CDRT4: variants seen among roughly 807,000 people sequenced by gnomAD.
CDRT4 encodes the protein CMT1A duplicated region transcript 4 protein.
For missense variants in CDRT4, 167 were observed against 193.1 expected, an observed-to-expected ratio of 0.87 and a Z score of 0.80; for synonymous variants, 64 against 69.6, an observed-to-expected ratio of 0.92 and a Z score of 0.40.
At chr17:15,440,023 T>G (rs992416498) in intron 3 of CDRT4, among the ~76,000 whole-genome samples, 185 bp downstream of exon 3, 5 of 151,784 alleles carry the variant, frequency 3.3e-5, no homozygotes, top group Non-Finnish European at 2.9e-5. Context: ...CACCAACATG[T>G]CACATGTATA....
intron 2 of CDRT4, among the ~76,000 whole-genome samples, chr17:15,449,026 T>G (rs1350430007): frequency 6.6e-6 from 1 of 152,210 alleles, no homozygotes; most frequent in African/African-American, 2.4e-5. Flanking sequence ...ATAACGATGC[T>G]ACATCCAAAA....
rs140524456 is a variant in CDRT4, at chr17:15,438,065, C to G, written c.167G>C (p.Arg56Pro). Residue 56 changes from arginine to proline, a missense_variant, in exon 4 of 4, where the codon CGT becomes CCT. Transcript: ENST00000619038. ...TGCCCAGGGTCTTTCCTCGAGGGCACGCATGCATTCCAGTTCTCTAGTTTT... is the reference window on the plus strand; with the variant it reads ...TGCCCAGGGTCTTTCCTCGAGGGCAGGCATGCATTCCAGTTCTCTAGTTTT... ...KSKTRELECM[R>P]ALEERPWASR... 1.2e-6 allele frequency: 2 copies of G among 1,614,126 alleles called. No homozygotes were observed. The highest frequency in any genetic ancestry group is 1.1e-5 in the South Asian group (1 of 91,078).
chr17:15,460,796 T>G (rs1979711945), intron 1 of CDRT4, among the ~76,000 whole-genome samples: 3 of 152,144 alleles, frequency 2.0e-5, no homozygotes, highest in Non-Finnish European at 4.4e-5. Context: ...CTCAGAGCCC[T>G]TGGGATGAAA....
chr17:15,463,721 G>A (rs1481150052), intron 1 of CDRT4, among the ~76,000 whole-genome samples: 1 of 152,192 alleles, frequency 6.6e-6, no homozygotes, highest in Non-Finnish European at 1.5e-5. Flanking sequence ...CAGAGGCTAT[G>A]CTAGCTGATT....
Position 15,440,347 on chromosome 17 carries a change from C to G in CDRT4, c.-47-62G>C. 3 of 1,575,986 alleles carry G rather than the reference C, an allele frequency of 1.9e-6. No homozygotes were observed. The South Asian group carries it at 3.4e-5, about 18-fold the overall frequency. On this transcript the variant is annotated intron_variant, in intron 2 of 3. Transcript: ENST00000619038. The stretch of plus-strand genomic sequence containing the variant: ...AAACTGGAAAGCAATTAGTAGCCAC[C>G]CTGGGTGGGGGTGGTTCTAAGTCCT...
At chr17:15,446,254 C>T (rs1270779456) in intron 2 of CDRT4, among the ~76,000 whole-genome samples, 3 of 152,054 alleles carry the variant, frequency 2.0e-5, no homozygotes, top group Admixed American at 6.5e-5. Context: ...TGCACACCTA[C>T]GGATTCTCAG....
rs1978512230 is a variant in CDRT4 at position 15,436,847 on chromosome 17, T to A, written c.*926A>T. On this transcript the variant is annotated 3_prime_UTR_variant, in exon 4 of 4. Transcript: ENST00000619038. ...TCAAAATCCATCCTATGCTTGGAGA[T>A]GCTGGGGCTGGGATTCTACAAACCA... 6.6e-6 allele frequency: 1 copy of A among 152,202 alleles called. No individual in the cohort carries two copies. The highest frequency in any genetic ancestry group is 1.5e-5 in the Non-Finnish European group (1 of 68,060). The allele number at this position is 152,202 out of a possible 1,614,324, so 9.4% of individuals were successfully genotyped here.
Position 15,438,144 on chromosome 17 carries a change from G to T in CDRT4, c.88C>A (p.Pro30Thr). ...TGAGAGGTATAGGTGACATAGGCCGGCCAGGGGTCATGTTTTTCAAGTAGC... is the reference window on the plus strand; with the variant it reads ...TGAGAGGTATAGGTGACATAGGCCGTCCAGGGGTCATGTTTTTCAAGTAGC... ...RKLLEKHDPW[P>T]AYVTYTSQTV... The change falls in exon 4 of 4, where the codon CCG becomes ACG. Residue 30 changes from proline to threonine, a missense_variant. Pro to Thr is a conservative substitution (Grantham distance 38). Transcript: ENST00000619038. 1 of 1,614,144 alleles carries T rather than the reference G, an allele frequency of 6.2e-7. No individual in the cohort carries two copies. The highest frequency in any genetic ancestry group is 2.2e-5 in the East Asian group (1 of 44,890).
At chr17:15,467,077 C>T (rs182964489) in intron 1 of CDRT4, among the ~76,000 whole-genome samples, 3 of 152,156 alleles carry the variant, frequency 2.0e-5, no homozygotes, top group East Asian at 1.9e-4. Context: ...TGGGGGGGAA[C>T]GGGGGTATAT....
At chr17:15,455,035 T>C (rs1283597837) in intron 1 of CDRT4, among the ~76,000 whole-genome samples, 6 of 152,006 alleles carry the variant, frequency 3.9e-5, no homozygotes, top group Admixed American at 3.9e-4. Context: ...ACAAGAAAAC[T>C]AGATAACAAT....
chr17:15,456,719 T>C (rs1979500476), intron 1 of CDRT4, among the ~76,000 whole-genome samples: 1 of 152,160 alleles, frequency 6.6e-6, no homozygotes, highest in Admixed American at 6.5e-5. Context: ...GGCTGACAGC[T>C]GCCTGCCTAG....
chr17:15,458,602 G>A (rs1410740860), intron 1 of CDRT4, among the ~76,000 whole-genome samples: 1 of 152,204 alleles, frequency 6.6e-6, no homozygotes, highest in Non-Finnish European at 1.5e-5. Context: ...ATGACAGTCT[G>A]TCTCATCCTG....
intron 2 of CDRT4, among the ~76,000 whole-genome samples, chr17:15,451,099 G>A (rs1158277743): frequency 6.6e-6 from 1 of 152,180 alleles, no homozygotes; most frequent in Admixed American, 6.5e-5. Flanking sequence ...CGTGTTGTGG[G>A]AGGGACCTGG....
intron 1 of CDRT4, among the ~76,000 whole-genome samples, chr17:15,462,731 T>C (rs576240293): frequency 3.6e-4 from 55 of 152,072 alleles, no homozygotes; most frequent in Non-Finnish European, 6.6e-4. Flanking sequence ...AGGCAAAATA[T>C]AGGGTTTAGA....
chr17:15,467,312 ATGC>A (rs1255760881), intron 1 of CDRT4, 145 bp downstream of exon 1: 1 of 152,182 alleles, frequency 6.6e-6, no homozygotes, highest in Non-Finnish European at 1.5e-5. Context: ...AAGGGAAGTA[ATGC>A]TGGGGACTCT....
In CDRT4 at chr17:15,464,932, AACACACACACACACCAAC is replaced by A. The variant is rs1473684597; in HGVS notation, c.-130+2510_-130+2527del. ...GGTTCAAGAAAGTGCAAGTGGGTGCAACACACACACACACCAACACACAGACACACACACCAACAGACA... is the reference window on the plus strand; with the variant it reads ...GGTTCAAGAAAGTGCAAGTGGGTGCAACACAGACACACACACCAACAGACA... On this transcript the variant is annotated intron_variant, in intron 1 of 3. Coordinates refer to ENST00000619038, the MANE Select transcript of CDRT4 (RefSeq NM_001204477.2). The surrounding 1 kb of genome is among the most constrained non-coding windows in gnomAD (Gnocchi z 4.5). Among the ~76,000 whole-genome samples, 1 of 151,766 alleles carries A rather than the reference AACACACACACACACCAAC, an allele frequency of 6.6e-6. No homozygotes were observed. Among genetic ancestry groups the A allele is most frequent in the East Asian group, 1.9e-4 (1 of 5,174 alleles).
In CDRT4 at chr17:15,437,958, C is replaced by G. The variant is rs1361193250; in HGVS notation, c.274G>C (p.Asp92His). The G allele has an allele frequency of 6.2e-7, 1 of 1,614,158 alleles. No homozygotes were observed. Among genetic ancestry groups the G allele is most frequent in the Non-Finnish European group, 8.5e-7 (1 of 1,180,026 alleles). Reference protein sequence around the residue: ...SKSSGKAVFRDTLSESTLSMW... With the variant: ...SKSSGKAVFRHTLSESTLSMW... ...GATAACGTGGATTCTGACAGCGTGT[C>G]CCTGAACACAGCTTTGCCAGAAGAC... The change falls in exon 4 of 4, where the codon GAC becomes CAC. Residue 92 changes from aspartate (D) to histidine (H), a missense_variant. By Grantham distance (81) the Asp-to-His change is moderately conservative. Transcript: ENST00000619038.
intron 2 of CDRT4, among the ~76,000 whole-genome samples, chr17:15,444,556 T>C (rs534478268): frequency 2.6e-5 from 4 of 152,108 alleles, no homozygotes; most frequent in Admixed American, 2.0e-4. Context: ...ATTAACTACT[T>C]AGAAACAGAA....
Position 15,452,778 on chromosome 17 carries a change from C to T in CDRT4, c.-48+226G>A, listed in dbSNP as rs573250551. 1.2e-4 allele frequency among the ~76,000 whole-genome samples: 19 copies of T among 152,348 alleles called. No homozygotes were observed. The South Asian group carries it at 2.9e-3, about 23-fold the overall frequency. On this transcript the variant is annotated intron_variant, in intron 2 of 3. Coordinates refer to ENST00000619038, the MANE Select transcript of CDRT4 (RefSeq NM_001204477.2). ...TGAAATAGACAGGCCCTCCTCTCTG[C>T]TCCCAAGTATCTTATCTGAACCTTA...
Sources: allele counts gnomAD v4.1 joint callset (sites outside exome capture counted in the v4.1 genomes callset), GRCh38; gene constraint gnomAD v4.1.1; non-coding constraint Gnocchi (gnomAD v3.1); transcripts MANE v1.5; gene names NCBI Gene and HGNC (gene_info 2026-07-23, HGNC 2026-07-21).